Variants in PHF21A observed in about 807,000 individuals in gnomAD.
PHF21A encodes the protein PHD finger protein 21A.
Under a neutral mutation model 82.5 loss-of-function variants are expected in PHF21A, and 11 were observed. The observed-to-expected ratio is 0.13, with a 90% CI of 0.08 to 0.22. The LOEUF is 0.22. Ranked by LOEUF, PHF21A falls within the 10% of genes least tolerant of loss-of-function variation. The pLI is 1.00. For synonymous variants in PHF21A, 297 were observed against 302.8 expected (o/e 0.98, Z 0.20); for missense variants, 579 against 837.8 (o/e 0.69, Z 3.81).
chr11:46,028,279 A>G (rs982877946), intron 6 of PHF21A, among the ~76,000 whole-genome samples: 2 of 152,174 alleles, frequency 1.3e-5, no homozygotes, highest in South Asian at 4.1e-4. Flanking sequence ...TTTTAAAGTC[A>G]TGGTTCTTTT....
intron 6 of PHF21A, among the ~76,000 whole-genome samples, chr11:46,027,229 T>C (rs2095764935): frequency 6.6e-6 from 1 of 152,218 alleles, no homozygotes; most frequent in South Asian, 2.1e-4. Context: ...TCTACAAGTT[T>C]TCTCCGTGCT....
intron 6 of PHF21A, chr11:46,049,417 T>C (rs948034891): frequency 4.4e-6 from 2 of 455,912 alleles, no homozygotes; most frequent in African/African-American, 4.0e-5. Context: ...AGGTCAAGCA[T>C]AGGCTAGCTT....
intron 6 of PHF21A, among the ~76,000 whole-genome samples, chr11:46,055,886 T>C (rs538193220): frequency 1.3e-5 from 2 of 152,314 alleles, no homozygotes; most frequent in East Asian, 3.9e-4. Flanking sequence ...AATAGTTTTG[T>C]TTTGCTAATT....
chr11:46,117,246 T>A (rs1312802948), intron 1 of PHF21A: 1 of 152,208 alleles, frequency 6.6e-6, no homozygotes, highest in Non-Finnish European at 1.5e-5. Flanking sequence ...CATCCCCAAA[T>A]TTTTAAAACT....
intron 1 of PHF21A, among the ~76,000 whole-genome samples, chr11:46,101,759 C>T (rs1441962783): frequency 6.6e-6 from 1 of 152,098 alleles, no homozygotes; most frequent in Non-Finnish European, 1.5e-5. Flanking sequence ...ACTCAGCCTC[C>T]CTAATAGCTG....
Position 45,933,849 on chromosome 11 carries a change from G to T in PHF21A, c.*119C>A. On this transcript the variant is annotated 3_prime_UTR_variant, in exon 19 of 19. Transcript: ENST00000676320. ...GGCACAAGCATCTTCTCTCTCTCTG[G>T]AACCAAAGAACCAAAAGAATTCTGC... 1 of 1,007,790 alleles carries T rather than the reference G, an allele frequency of 9.9e-7. No homozygotes were observed. Among genetic ancestry groups the T allele is most frequent in the Non-Finnish European group, 1.4e-6 (1 of 710,196 alleles). 62.4% of individuals were successfully genotyped at this position (1,007,790 alleles called of 1,614,324 possible).
intron 6 of PHF21A, among the ~76,000 whole-genome samples, chr11:46,045,664 T>C (rs1240390355): frequency 6.6e-6 from 1 of 152,194 alleles, no homozygotes; most frequent in Admixed American, 6.5e-5. Context: ...TCTGAATATT[T>C]AGTTAAATGA....
chr11:45,964,242 T>C (rs946184012), intron 10 of PHF21A, among the ~76,000 whole-genome samples: 2 of 150,066 alleles, frequency 1.3e-5, no homozygotes, highest in African/African-American at 4.9e-5. Context: ...ATAATTTATT[T>C]CTGAATGTTT....
At chr11:46,023,576 A>G (rs2095673971) in intron 6 of PHF21A, among the ~76,000 whole-genome samples, 1 of 152,220 alleles carries the variant, frequency 6.6e-6, no homozygotes. Flanking sequence ...AGAGGTTAGT[A>G]AGTTTACCAA....
At chr11:46,074,326 T>C (rs962956052) in intron 6 of PHF21A, among the ~76,000 whole-genome samples, 1 of 152,158 alleles carries the variant, frequency 6.6e-6, no homozygotes, top group African/African-American at 2.4e-5. Context: ...TTTTCTGTAT[T>C]TTAAATTTTT....
chr11:46,005,208 A>G (rs2095266015), intron 6 of PHF21A, among the ~76,000 whole-genome samples: 1 of 152,200 alleles, frequency 6.6e-6, no homozygotes. Flanking sequence ...CACTGACGTG[A>G]TGCCACAACT....
At chr11:45,962,583 A>T (rs1256327180) in intron 10 of PHF21A, among the ~76,000 whole-genome samples, 1 of 152,012 alleles carries the variant, frequency 6.6e-6, no homozygotes, top group Non-Finnish European at 1.5e-5. Flanking sequence ...GAATTCCTTT[A>T]TTAGACCAAA....
chr11:46,118,417 T>TAAAAAAAAAAAAAAAAAAAAAAAAAAA (rs10718245), intron 1 of PHF21A, among the ~76,000 whole-genome samples: 1 of 131,514 alleles, frequency 7.6e-6, no homozygotes, highest in African/African-American at 2.8e-5. Context: ...AGTCTGATGT[T>TAAAAAAAAAAAAAAAAAAAAAAAAAAA]AAAAAAAAAA....
At chr11:45,999,897 A>G (rs551932981) in intron 6 of PHF21A, among the ~76,000 whole-genome samples, 3 of 152,348 alleles carry the variant, frequency 2.0e-5, no homozygotes, top group African/African-American at 7.2e-5. Context: ...AGCAGTGGTG[A>G]ACAGGAAGGC....
intron 6 of PHF21A, among the ~76,000 whole-genome samples, chr11:46,030,840 T>TGTGCGTGTGTGTGC (rs1372631783): frequency 1.4e-5 from 1 of 70,562 alleles, no homozygotes; most frequent in Non-Finnish European, 2.6e-5. Context: ...CGTGTGTGTG[T>TGTGCGTGTGTGTGC]GTGTGTGTGT....
chr11:46,083,333 G>A (rs1347013755), intron 4 of PHF21A, among the ~76,000 whole-genome samples: 1 of 152,152 alleles, frequency 6.6e-6, no homozygotes, highest in Non-Finnish European at 1.5e-5. Flanking sequence ...CACTAATTCT[G>A]AGCAATGTGC....
At chr11:45,983,280 C>T (rs1470894386) in intron 6 of PHF21A, among the ~76,000 whole-genome samples, 1 of 151,308 alleles carries the variant, frequency 6.6e-6, no homozygotes, top group East Asian at 1.9e-4. Flanking sequence ...TACTTGCAAA[C>T]TTACATCAGT....
At chr11:45,997,713 C>T (rs1171729108) in intron 6 of PHF21A, among the ~76,000 whole-genome samples, 3 of 152,212 alleles carry the variant, frequency 2.0e-5, no homozygotes, top group African/African-American at 7.2e-5. Context: ...TGTTCAGGAT[C>T]TGTTGTTCTG....
chr11:46,060,915 G>T (rs2096527677), intron 6 of PHF21A, among the ~76,000 whole-genome samples: 1 of 152,182 alleles, frequency 6.6e-6, no homozygotes, highest in Non-Finnish European at 1.5e-5. Context: ...TATTGCTGAG[G>T]TTATCTACCA....
Sources: gnomAD v4.1 joint callset for allele counts (sites outside exome capture counted in the v4.1 genomes callset) on GRCh38, gnomAD v4.1.1 for gene constraint, MANE v1.5 for transcripts, NCBI Gene and HGNC (gene_info 2026-07-23, HGNC 2026-07-21) for gene names.